The following PCDHA13 variants were observed in gnomAD, a reference collection of about 807,000 sequenced individuals.
PCDHA13 encodes protocadherin alpha-13.
Under a neutral mutation model 64.8 loss-of-function variants are expected in PCDHA13, and 54 were observed. The ratio of observed to expected loss-of-function variants is 0.83; its 90% confidence interval spans 0.67 to 1.04. The LOEUF is 1.04. PCDHA13 is among the 50% of genes least tolerant of loss of function. PCDHA13 has a pLI of 0.00. For synonymous variants in PCDHA13, 587 were observed against 564.4 expected (o/e 1.04, Z -0.57); for missense variants, 1,248 against 1,254.3 (o/e 0.99, Z 0.08).
chr5:140,926,585 G>T, intron 1 of PCDHA13: 1 of 283,896 alleles, frequency 3.5e-6, no homozygotes, highest in Non-Finnish European at 6.5e-6. Flanking sequence ...CACCTCTCGC[G>T]CCCGGGCGGG....
At chr5:140,966,860 TTGC>T (rs148181752) in intron 1 of PCDHA13, 30 of 1,577,282 alleles carry the variant, frequency 1.9e-5, no homozygotes, top group Middle Eastern at 1.7e-4. Context: ...CCTGCTGCTG[TTGC>T]TGCTGCTGCT....
intron 3 of PCDHA13, among the ~76,000 whole-genome samples, chr5:140,986,734 C>T (rs2153854061): frequency 6.6e-6 from 1 of 152,260 alleles, no homozygotes; most frequent in Non-Finnish European, 1.5e-5. Context: ...TCTCAAGACC[C>T]CAGGGGATCT....
In PCDHA13 at chr5:140,882,510, A is replaced by G. The variant is rs1276139359; in HGVS notation, c.242A>G (p.Asn81Ser). 1 of 1,614,046 alleles carries G rather than the reference A, an allele frequency of 6.2e-7. No homozygotes were observed. The highest frequency in any genetic ancestry group is 2.2e-5 in the East Asian group (1 of 44,900). ...HGDLLEVNLQ[N>S]GILFVNSRID... ...GACCTTCTGGAGGTAAATCTGCAGA[A>G]TGGCATTTTGTTTGTGAATTCTCGG... Residue 81 changes from asparagine to serine, a missense_variant, in exon 1 of 4, where the codon AAT (asparagine) becomes AGT (serine). Asn to Ser is a conservative substitution (Grantham distance 46, BLOSUM62 1). Coordinates refer to ENST00000289272, the MANE Select transcript of PCDHA13 (RefSeq NM_018904.3).
intron 1 of PCDHA13, among the ~76,000 whole-genome samples, chr5:140,903,136 A>C (rs1554190778): frequency 6.6e-6 from 1 of 152,212 alleles, no homozygotes; most frequent in Non-Finnish European, 1.5e-5. Flanking sequence ...AGAAATCTCC[A>C]AACTGTTTTC....
chr5:140,940,841 C>T (rs246072), intron 1 of PCDHA13, among the ~76,000 whole-genome samples: 86,358 of 151,986 alleles, frequency 0.57, 25,200 homozygotes, highest in African/African-American at 0.71. Context: ...CCTTTCTTCA[C>T]GATAGATTTT....
intron 1 of PCDHA13, chr5:140,968,996 G>T: frequency 1.2e-6 from 2 of 1,614,202 alleles, no homozygotes; most frequent in Non-Finnish European, 1.7e-6. Flanking sequence ...ATGCTGTGGA[G>T]GCTTCTGTGG....
At chr5:140,973,207 A>C (rs1335984656) in intron 1 of PCDHA13, among the ~76,000 whole-genome samples, 1 of 152,100 alleles carries the variant, frequency 6.6e-6, no homozygotes, top group Non-Finnish European at 1.5e-5. Flanking sequence ...GTGCATATTC[A>C]CCCTAATTCC....
At chr5:140,900,512 G>T (rs1191935182) in intron 1 of PCDHA13, among the ~76,000 whole-genome samples, 4 of 152,300 alleles carry the variant, frequency 2.6e-5, no homozygotes, top group Middle Eastern at 3.4e-3. Context: ...CCCAGCCTCA[G>T]GTGATCTGCC....
chr5:140,895,166 C>T (rs1319581978), intron 1 of PCDHA13, among the ~76,000 whole-genome samples: 1 of 152,138 alleles, frequency 6.6e-6, no homozygotes, highest in Non-Finnish European at 1.5e-5. Context: ...ACAATCCAAT[C>T]TATTTGTAGT....
At chr5:141,006,085 C>T (rs1588120524) in intron 3 of PCDHA13, among the ~76,000 whole-genome samples, 1 of 148,094 alleles carries the variant, frequency 6.8e-6, no homozygotes, top group African/African-American at 2.5e-5. Context: ...ATTGAAGGGA[C>T]TTATGTATCA....
intron 1 of PCDHA13, among the ~76,000 whole-genome samples, chr5:140,914,601 T>G (rs190275610): frequency 1.8e-4 from 27 of 152,294 alleles, no homozygotes; most frequent in Non-Finnish European, 3.7e-4. Context: ...AGGAACTTCC[T>G]CCTGCCATTT....
Position 141,005,701 on chromosome 5 carries a change from C to CAAA in PCDHA13, c.2543-3898_2543-3896dup, listed in dbSNP as rs59860837. ...TGGGCGACAGAGCGAAACTCCGTCTCAAAAAAAAAAAAAAAAAAAAAAAAA... is the reference window on the plus strand; with the variant it reads ...TGGGCGACAGAGCGAAACTCCGTCTCAAAAAAAAAAAAAAAAAAAAAAAAAAAA... On this transcript the variant is annotated intron_variant, in intron 3 of 3. Transcript: ENST00000289272. Among the ~76,000 whole-genome samples the CAAA allele has an allele frequency of 9.1e-3, 71 of 7,774 alleles. 6 individuals are homozygous for CAAA. Among genetic ancestry groups the CAAA allele is most frequent in the Non-Finnish European group, 0.012 (43 of 3,684 alleles). 5.1% of individuals were successfully genotyped at this position (7,774 alleles called of 152,430 possible).
At position 140,969,519 on chromosome 5, in the gene PCDHA13, G is replaced by A. The variant is rs1586385280; in HGVS notation, c.2395-9430G>A. On this transcript the variant is annotated intron_variant, in intron 1 of 3. Transcript: ENST00000289272. ...TCTAGAAAAATAGCACTAAAGAATTGTTTTATTTTTCATTTTCAGAGGCAT... is the reference window on the plus strand; with the variant it reads ...TCTAGAAAAATAGCACTAAAGAATTATTTTATTTTTCATTTTCAGAGGCAT... The A allele has an allele frequency of 3.6e-6, 5 of 1,406,074 alleles. No individual in the cohort carries two copies. The East Asian group carries it at 1.3e-4, about 35-fold the overall frequency. 87.1% of individuals were successfully genotyped at this position (1,406,074 alleles called of 1,614,324 possible). A position where few individuals can be genotyped will look rare whatever the true frequency, so the allele number is the denominator to read the frequency against.
At chr5:141,002,600 A>G (rs1269340072) in intron 3 of PCDHA13, among the ~76,000 whole-genome samples, 1 of 152,204 alleles carries the variant, frequency 6.6e-6, no homozygotes, top group Non-Finnish European at 1.5e-5. Flanking sequence ...CCCCTCATCT[A>G]TAAAACAGAC....
At chr5:140,969,522 T>C in intron 1 of PCDHA13, 5 of 1,397,290 alleles carry the variant, frequency 3.6e-6, no homozygotes, top group Non-Finnish European at 4.7e-6. Context: ...AAGAATTGTT[T>C]TATTTTTCAT....
chr5:140,936,710 A>G (rs2091103513), intron 1 of PCDHA13, among the ~76,000 whole-genome samples: 1 of 152,216 alleles, frequency 6.6e-6, no homozygotes. Flanking sequence ...TTCTTGTGCC[A>G]ATACATTCTG....
At chr5:140,992,897 T>G (rs2097532683) in intron 3 of PCDHA13, among the ~76,000 whole-genome samples, 2 of 152,156 alleles carry the variant, frequency 1.3e-5, no homozygotes, top group Admixed American at 1.3e-4. Flanking sequence ...GCTGGATATC[T>G]CCAAAGCTTA....
At chr5:140,944,335 G>A (rs1196825895) in intron 1 of PCDHA13, among the ~76,000 whole-genome samples, 1 of 151,986 alleles carries the variant, frequency 6.6e-6, no homozygotes, top group African/African-American at 2.4e-5. Context: ...TTACAAGCAC[G>A]TGCCACCACA....
intron 3 of PCDHA13, among the ~76,000 whole-genome samples, chr5:141,007,422 G>C (rs190866782): frequency 7.0e-6 from 1 of 143,592 alleles, no homozygotes; most frequent in Non-Finnish European, 1.5e-5. Flanking sequence ...AAAAAAATTA[G>C]CCAGGCATGG....
Sources: gnomAD v4.1 joint callset for allele counts (sites outside exome capture counted in the v4.1 genomes callset) on GRCh38, gnomAD v4.1.1 for gene constraint, MANE v1.5 for transcripts, NCBI Gene and HGNC (gene_info 2026-07-23, HGNC 2026-07-21) for gene names.